The following REPS2 variants were observed in gnomAD, a reference collection of about 807,000 sequenced individuals.
The protein encoded by REPS2 is ralBP1-associated Eps domain-containing protein 2.
REPS2 carries 23 observed loss-of-function variants against 53.6 expected under a neutral mutation model. The observed-to-expected ratio is 0.43, with a 90% CI of 0.31 to 0.61. The LOEUF is 0.61. Among genes scored for constraint, REPS2 ranks in the 20% least tolerant of loss-of-function variants. REPS2 has a pLI of 0.11. For synonymous variants in REPS2, 238 were observed against 218.6 expected, an observed-to-expected ratio of 1.09 and a Z score of -0.78; for missense variants, 446 against 534.9, an observed-to-expected ratio of 0.83 and a Z score of 1.64.
At chrX:17,001,152 T>C (rs1360508326) in intron 1 of REPS2, among the ~76,000 whole-genome samples, 1 of 112,787 alleles carries the variant, frequency 8.9e-6, no homozygotes, top group Non-Finnish European at 1.9e-5. Flanking sequence ...GATGCTGATA[T>C]GATTTAGCTA....
intron 13 of REPS2, among the ~76,000 whole-genome samples, chrX:17,093,705 T>A (rs1181487302): frequency 8.9e-6 from 1 of 111,936 alleles, no homozygotes; most frequent in Non-Finnish European, 1.9e-5. Context: ...ATAGTTATAT[T>A]ATAATTTTGG....
At chrX:17,122,071 A>G (rs1293132205) in intron 14 of REPS2, among the ~76,000 whole-genome samples, 1 of 111,368 alleles carries the variant, frequency 9.0e-6, no homozygotes, top group Non-Finnish European at 1.9e-5. Flanking sequence ...TTATTGAAGT[A>G]TAATTGCATA....
chrX:17,039,365 A>T (rs1469858712), intron 5 of REPS2, among the ~76,000 whole-genome samples: 1 of 112,471 alleles, frequency 8.9e-6, no homozygotes, highest in Non-Finnish European at 1.9e-5. Flanking sequence ...CTGCAATCAC[A>T]GTAAAATGAT....
At chrX:17,104,856 C>T (rs925008449) in intron 14 of REPS2, among the ~76,000 whole-genome samples, 9 of 111,696 alleles carry the variant, frequency 8.1e-5, no homozygotes, top group African/African-American at 2.9e-4. Flanking sequence ...ATATCTAATG[C>T]CAAACCTTAG....
chrX:16,953,993 A>G (rs2060558659), intron 1 of REPS2, among the ~76,000 whole-genome samples: 2 of 110,800 alleles, frequency 1.8e-5, no homozygotes, highest in South Asian at 7.7e-4. Flanking sequence ...TTGCTGTGTC[A>G]CCCAGACTGG....
rs1214032459 is a variant in REPS2, at chrX:17,023,750, C to T, written c.547-1309C>T. ...GCATTTGGAGAGGAATGAGGGTCCA[C>T]TGTCCCACGGTGGTTGATGCCCTGG... On this transcript the variant is annotated intron_variant, in intron 3 of 17. Coordinates refer to ENST00000357277, the MANE Select transcript of REPS2 (RefSeq NM_004726.3). 5.4e-5 allele frequency among the ~76,000 whole-genome samples: 6 copies of T among 111,765 alleles called. No individual in the cohort carries two copies. The East Asian group carries it at 1.7e-3, about 31-fold the overall frequency.
At chrX:16,975,635 A>G (rs769201163) in intron 1 of REPS2, among the ~76,000 whole-genome samples, 2 of 111,745 alleles carry the variant, frequency 1.8e-5, no homozygotes, top group African/African-American at 6.5e-5. Context: ...GGTGATTGTA[A>G]TTTTGATCAT....
chrX:17,154,688 G>A (rs1436840443), downstream of REPS2, among the ~76,000 whole-genome samples: 2 of 112,547 alleles, frequency 1.8e-5, no homozygotes, highest in African/African-American at 6.5e-5. Flanking sequence ...TGGTGGAGAA[G>A]ATACAATTAC....
chrX:17,078,938 T>C (rs2062417222), intron 13 of REPS2, among the ~76,000 whole-genome samples: 1 of 111,976 alleles, frequency 8.9e-6, no homozygotes, highest in Non-Finnish European at 1.9e-5. Flanking sequence ...CTCCATGGAG[T>C]TGTAAGGTTT....
chrX:17,067,255 A>G (rs2062237134), intron 9 of REPS2, among the ~76,000 whole-genome samples: 1 of 111,955 alleles, frequency 8.9e-6, no homozygotes, highest in Admixed American at 9.5e-5. Flanking sequence ...CTTGAACTTA[A>G]TCTTATAGGC....
At chrX:16,979,857 T>G (rs2060999919) in intron 1 of REPS2, among the ~76,000 whole-genome samples, 1 of 108,842 alleles carries the variant, frequency 9.2e-6, no homozygotes, top group South Asian at 4.0e-4. Flanking sequence ...AAGAAATCGG[T>G]GGATAGAATT....
At chrX:17,055,878 A>T (rs2062062120) in intron 8 of REPS2, among the ~76,000 whole-genome samples, 1 of 98,570 alleles carries the variant, frequency 1.0e-5, no homozygotes, top group African/African-American at 3.7e-5. Context: ...TGGGAGATAT[A>T]CCTAATGCTA....
chrX:16,990,525 G>A (rs1158821408), intron 1 of REPS2, among the ~76,000 whole-genome samples: 1 of 108,389 alleles, frequency 9.2e-6, no homozygotes, highest in African/African-American at 3.4e-5. Flanking sequence ...CAGGAGAATC[G>A]CTTGAACCTG....
Position 17,093,497 on chromosome X carries a change from A to C in REPS2, c.1517-10221A>C, listed in dbSNP as rs1165864225. ...TCATGCTGAACTGGGGACAAACTGA[A>C]GTCTGAGAAGTTCCTCCAAGGCCAT... On this transcript the variant is annotated intron_variant, in intron 13 of 17. Coordinates refer to ENST00000357277, the MANE Select transcript of REPS2 (RefSeq NM_004726.3). Among the ~76,000 whole-genome samples the C allele has an allele frequency of 2.7e-5, 3 of 110,199 alleles. No homozygotes were observed. The Admixed American group carries it at 2.9e-4, about 11-fold the overall frequency.
At chrX:17,133,637 G>A (rs185182065) in intron 14 of REPS2, among the ~76,000 whole-genome samples, 187 bp from the exon 15 acceptor site, 6 of 111,761 alleles carry the variant, frequency 5.4e-5, no homozygotes, top group Non-Finnish European at 1.1e-4. Flanking sequence ...TGGGAAGGAG[G>A]GATGGGAAGG....
rs746644020 is a variant in REPS2, at chrX:17,148,867, G to A, written c.*1386G>A. The A allele has an allele frequency of 1.0e-4, 38 of 369,230 alleles. No individual in the cohort carries two copies. The highest frequency in any genetic ancestry group is 8.8e-4 in the African/African-American group (34 of 38,813). The allele number at this position is 369,230 out of a possible 1,213,427, so 30.4% of individuals were successfully genotyped here. On this transcript the variant is annotated 3_prime_UTR_variant, in exon 18 of 18. Coordinates refer to ENST00000357277, the MANE Select transcript of REPS2 (RefSeq NM_004726.3). ...ATTCTTAGGGTAGCAGGGTGGGGGT[G>A]TATAGGGTCTTTTTGAAGCAGTTTT...
chrX:17,125,817 T>C (rs1330266575), intron 14 of REPS2, among the ~76,000 whole-genome samples: 3 of 112,431 alleles, frequency 2.7e-5, no homozygotes, highest in African/African-American at 9.7e-5. Flanking sequence ...AGTGAAGGGC[T>C]TTGAGAAAAA....
At chrX:17,160,238 G>A in the REPS2 span, among the ~76,000 whole-genome samples, 2 of 112,163 alleles carry the variant, frequency 1.8e-5, no homozygotes, top group Non-Finnish European at 3.8e-5. Flanking sequence ...AGAAGTTGAG[G>A]GAAGAACCAT....
chrX:17,135,408 T>A lies in REPS2; in HGVS notation c.1808+2T>A, dbSNP rs759060893. The stretch of plus-strand genomic sequence containing the variant: ...GAAACCGCATCCAACAGTCCAAAAG[T>A]AAGTAGACCACATAAACAAGAGTGA... On this transcript the variant is annotated splice_donor_variant, in intron 16 of 17. Transcript: ENST00000357277. LOFTEE classifies it high-confidence loss of function. The A allele has an allele frequency of 8.3e-7, 1 of 1,202,477 alleles. No individual in the cohort carries two copies. The highest frequency in any genetic ancestry group is 2.3e-5 in the Admixed American group (1 of 44,033).
Sources: allele counts gnomAD v4.1 joint callset (sites outside exome capture counted in the v4.1 genomes callset), GRCh38; gene constraint gnomAD v4.1.1; transcripts MANE v1.5; gene names NCBI Gene and HGNC (gene_info 2026-07-23, HGNC 2026-07-21).